The following UTY variants were observed in gnomAD, a reference collection of about 807,000 sequenced individuals.
The protein encoded by UTY is histone demethylase UTY.
A neutral mutation model predicts 32.5 loss-of-function variants in UTY; 12 were observed. That is an observed-to-expected ratio of 0.37 (90% confidence interval 0.24 to 0.60). The LOEUF (loss-of-function observed/expected upper bound fraction) is 0.60, where lower values mean the gene tolerates loss of function less well. Ranked by LOEUF, UTY falls within the 20% of genes least tolerant of loss-of-function variation. The pLI is 0.69. For missense variants in UTY, 303 were observed against 299.2 expected, an observed-to-expected ratio of 1.01 and a Z score of -0.09; for synonymous variants, 131 against 103.4, an observed-to-expected ratio of 1.27 and a Z score of -1.62.
At chrY:13,338,996 A>T (rs1043149316) in intron 17 of UTY, among the ~76,000 whole-genome samples, 26 of 33,901 alleles carry the variant, frequency 7.7e-4, no homozygotes, top group Non-Finnish European at 3.7e-4. Flanking sequence ...TCAAGATGTA[A>T]GAAATGTTGT....
chrY:13,363,715 C>T (rs948420871), intron 10 of UTY, among the ~76,000 whole-genome samples: 2 of 33,393 alleles, frequency 6.0e-5, no homozygotes, highest in African/African-American at 1.2e-4. Context: ...ACACCTGCTC[C>T]GTTTGGTAAT....
intron 18 of UTY, among the ~76,000 whole-genome samples, chrY:13,332,460 C>T: frequency 8.9e-5 from 3 of 33,735 alleles, no homozygotes; most frequent in Admixed American, 2.7e-4. Context: ...AATCAATAAA[C>T]GTAATCCATC....
chrY:13,456,026 T>C (rs2076781097), intron 3 of UTY, among the ~76,000 whole-genome samples: 1 of 32,319 alleles, frequency 3.1e-5, no homozygotes, highest in Non-Finnish European at 7.5e-5. Context: ...CTTACTCCTC[T>C]ATTTACAACA....
intron 10 of UTY, among the ~76,000 whole-genome samples, chrY:13,364,519 C>A: frequency 1.5e-4 from 5 of 32,938 alleles, no homozygotes; most frequent in African/African-American, 6.0e-4. Flanking sequence ...CGCCTGCTCA[C>A]CACACCCACC....
At chrY:13,419,517 A>G (rs2072265501) in intron 4 of UTY, among the ~76,000 whole-genome samples, 1 of 34,477 alleles carries the variant, frequency 2.9e-5, no homozygotes, top group Non-Finnish European at 7.3e-5. Flanking sequence ...AAGTGTGGCA[A>G]TACATTTAAT....
intron 21 of UTY, among the ~76,000 whole-genome samples, chrY:13,317,740 A>G (rs1010093582): frequency 8.8e-5 from 3 of 33,992 alleles, no homozygotes; most frequent in Admixed American, 8.1e-4. Context: ...AAATTAAATA[A>G]CATGTTTTAT....
chrY:13,384,367 G>A, intron 8 of UTY, among the ~76,000 whole-genome samples: 1 of 33,532 alleles, frequency 3.0e-5, no homozygotes, highest in African/African-American at 1.2e-4. Flanking sequence ...AAAAGGCTTA[G>A]AAAAAAAATC....
chrY:13,384,028 G>A, intron 8 of UTY, among the ~76,000 whole-genome samples: 1 of 33,872 alleles, frequency 3.0e-5, no homozygotes, highest in Non-Finnish European at 7.4e-5. Flanking sequence ...AAAAAAGAAG[G>A]CTCTAGGCCT....
chrY:13,442,316 T>C (rs2075275113), intron 4 of UTY, among the ~76,000 whole-genome samples: 1 of 32,735 alleles, frequency 3.1e-5, no homozygotes, highest in Admixed American at 2.7e-4. Flanking sequence ...CCTGGAAAGG[T>C]TGGACCCCAG....
intron 7 of UTY, chrY:13,396,371 TAA>T (rs2068232518): frequency 2.9e-4 from 10 of 33,954 alleles, no homozygotes; most frequent in African/African-American, 1.1e-3. Flanking sequence ...TCACATAATT[TAA>T]AGTTTCATAT....
chrY:13,286,673 C>T, intron 27 of UTY: 1 of 375,391 alleles, frequency 2.7e-6, no homozygotes, highest in Non-Finnish European at 3.8e-6. Flanking sequence ...TTGACCGCCA[C>T]ATTACCATTT....
chrY:13,239,337 C>T (rs2053877667), intron 28 of UTY, among the ~76,000 whole-genome samples: 47 of 33,429 alleles, frequency 1.4e-3, no homozygotes. Context: ...ATATAGGACA[C>T]CACAAAGTGA....
intron 6 of UTY, among the ~76,000 whole-genome samples, chrY:13,407,996 C>T (rs756933051): frequency 3.1e-5 from 1 of 32,735 alleles, no homozygotes; most frequent in Admixed American, 2.8e-4. Flanking sequence ...TTCTGTAACC[C>T]TCTTGGAGAA....
chrY:13,469,213 C>CTTTTT (rs767648479), intron 3 of UTY, among the ~76,000 whole-genome samples: 1 of 24,790 alleles, frequency 4.0e-5, no homozygotes, highest in Non-Finnish European at 9.6e-5. Flanking sequence ...CCACCTATTG[C>CTTTTT]TTTTTTTTTT....
intron 8 of UTY, among the ~76,000 whole-genome samples, chrY:13,380,061 GTATA>G: frequency 1.1e-3 from 4 of 3,634 alleles, no homozygotes; most frequent in African/African-American, 2.4e-3. Context: ...GTGTGTGTGT[GTATA>G]TATATATATA....
intron 27 of UTY, among the ~76,000 whole-genome samples, chrY:13,261,345 G>GA: frequency 3.0e-5 from 1 of 32,962 alleles, no homozygotes; most frequent in Admixed American, 2.8e-4. Flanking sequence ...TATTTGGGGG[G>GA]AAAATGATCA....
intron 21 of UTY, among the ~76,000 whole-genome samples, chrY:13,313,551 C>T: frequency 3.0e-5 from 1 of 33,487 alleles, no homozygotes; most frequent in Non-Finnish European, 7.4e-5. Context: ...TGAGACCCCT[C>T]GGTTATAAAT....
intron 27 of UTY, among the ~76,000 whole-genome samples, chrY:13,260,622 A>T (rs763726766): frequency 4.4e-4 from 15 of 33,901 alleles, no homozygotes; most frequent in African/African-American, 1.7e-3. Context: ...TGCAATGATC[A>T]TAATCTACAA....
At chrY:13,282,365 A>C (rs2057060495) in intron 27 of UTY, among the ~76,000 whole-genome samples, 2 of 33,597 alleles carry the variant, frequency 6.0e-5, no homozygotes, top group African/African-American at 1.2e-4. Flanking sequence ...AAACAAAAAA[A>C]AACAAGGAAG....
Sources: gnomAD v4.1 joint callset for allele counts (sites outside exome capture counted in the v4.1 genomes callset) on GRCh38, gnomAD v4.1.1 for gene constraint, MANE v1.5 for transcripts, NCBI Gene and HGNC (gene_info 2026-07-23, HGNC 2026-07-21) for gene names.